Variants in SPG7 observed in about 807,000 individuals in gnomAD.
The protein encoded by SPG7 is SPG7 matrix AAA peptidase subunit, paraplegin.
SPG7 carries 103 observed loss-of-function variants against 81.9 expected under a neutral mutation model. The observed-to-expected ratio is 1.26, with a 90% CI of 1.07 to 1.48. The LOEUF (loss-of-function observed/expected upper bound fraction) is 1.48. Ranked by LOEUF, SPG7 falls within the 40% of genes most tolerant of loss-of-function variation. SPG7 has a pLI of 0.00. For missense variants in SPG7, 1,241 were observed against 1,087.3 expected (o/e 1.14, Z -1.99); for synonymous variants, 534 against 444.2 (o/e 1.20, Z -2.54).
chr16:89,542,720 G>T (rs1306812821), intron 9 of SPG7, among the ~76,000 whole-genome samples: 1 of 152,044 alleles, frequency 6.6e-6, no homozygotes, highest in African/African-American at 2.4e-5. Flanking sequence ...TCCTCAGAGC[G>T]TTCAAGGTCC....
intron 3 of SPG7, among the ~76,000 whole-genome samples, chr16:89,513,388 C>T (rs4505322): frequency 0.43 from 65,684 of 151,770 alleles, 14,721 homozygotes; most frequent in East Asian, 0.67. Context: ...TGATGGCACA[C>T]GCCTGTAATC....
chr16:89,524,030 A>G lies in SPG7; in HGVS notation c.401A>G (p.Asp134Gly). Residue 134 changes from aspartate (D) to glycine (G), a missense_variant, in exon 4 of 17, where the codon GAC (aspartate) becomes GGC (glycine). Physicochemically the swap from Asp to Gly is moderately conservative, Grantham distance 94 (BLOSUM62 -1). Coordinates refer to ENST00000645818, the MANE Select transcript of SPG7 (RefSeq NM_003119.4). ...DEEERRRRER[D>G]DQMYRERLRT... ...GAGGAGAGGAGACGCCGTGAGCGGG[A>G]CGACCAGATGTACCGAGAGCGGCTG... The G allele has an allele frequency of 1.2e-6, 2 of 1,612,858 alleles. No homozygotes were observed. Among genetic ancestry groups the G allele is most frequent in the Non-Finnish European group, 1.7e-6 (2 of 1,179,958 alleles).
At chr16:89,516,903 C>T (rs1231964503) in intron 3 of SPG7, 1 of 151,694 alleles carries the variant, frequency 6.6e-6, no homozygotes, top group Admixed American at 6.6e-5. Context: ...GACGGCGAGA[C>T]TCTTGTCTCA....
At position 89,557,642 on chromosome 16, in the gene SPG7, A is replaced by C. The variant is rs114970695; in HGVS notation, c.*549A>C. The stretch of plus-strand genomic sequence containing the variant: ...ACCACTGCCCCCTGCTGCCATGTGG[A>C]CTGGTGCAAGTTGAGGACTTCTTGC... On this transcript the variant is annotated 3_prime_UTR_variant, in exon 17 of 17. Transcript: ENST00000645818. 6.2e-3 allele frequency: 1,049 copies of C among 168,530 alleles called. 12 individuals are homozygous for C. The highest frequency in any genetic ancestry group is 0.024 in the African/African-American group (1,007 of 41,824). 10.4% of individuals were successfully genotyped at this position (168,530 alleles called of 1,614,324 possible).
In SPG7 at chr16:89,510,337, C is replaced by G. The variant is rs572899926; in HGVS notation, c.184-153C>G. On this transcript the variant is annotated intron_variant, in intron 1 of 16. Transcript: ENST00000645818. ...TTTTGATGTTACCTAAAGCTTTGAC[C>G]TATTGCTCAGACTATTACTTTATAT... is the stretch of plus-strand genomic sequence containing the variant. Among the ~76,000 whole-genome samples the G allele has an allele frequency of 5.9e-5, 9 of 152,254 alleles. No homozygotes were observed. The East Asian group carries it at 1.7e-3, about 29-fold the overall frequency.
chr16:89,545,032 GT>G, intron 10 of SPG7: 1 of 536,918 alleles, frequency 1.9e-6, no homozygotes, highest in Non-Finnish European at 3.4e-6. Flanking sequence ...ACTGCTCGGG[GT>G]TTTGCAGTTC....
In SPG7 at chr16:89,553,089, G is replaced by A. The variant is rs767213993; in HGVS notation, c.1890G>A (p.Leu630=). The change falls in exon 14 of 17, where the codon CTG becomes CTA. Residue 630 remains leucine, a synonymous_variant. Transcript: ENST00000645818. The part of the protein sequence containing the change: ...EQLFERMCMA[L]GGRASEALSF... ...TGTTTGAGCGGATGTGCATGGCCCT[G>A]GGAGGACGGGCCTCGGAAGCACTGT... is the stretch of plus-strand genomic sequence containing the variant. 6.2e-7 allele frequency: 1 copy of A among 1,613,414 alleles called. No individual in the cohort carries two copies. Among genetic ancestry groups the A allele is most frequent in the South Asian group, 1.1e-5 (1 of 90,920 alleles).
chr16:89,550,656 G>C lies in SPG7; in HGVS notation c.1779+47G>C, dbSNP rs3794632. On this transcript the variant is annotated intron_variant, in intron 13 of 16. Transcript: ENST00000645818. ...CTCCACGGGCCTTGGCCAAAGGTGG[G>C]TGGGGAGTCCCGCCTGTGTCTGTAG... is the stretch of plus-strand genomic sequence containing the variant. 219,730 of 1,289,210 alleles carry C rather than the reference G, an allele frequency of 0.17. 23,736 individuals are homozygous for C. Among genetic ancestry groups the C allele is most frequent in the African/African-American group, 0.24 (16,082 of 67,834 alleles). 79.9% of individuals were successfully genotyped at this position (1,289,210 alleles called of 1,614,324 possible).
intron 7 of SPG7, 84 bp from the exon 8 acceptor site, chr16:89,531,820 C>T (rs2058346237): frequency 1.0e-5 from 15 of 1,429,032 alleles, no homozygotes; most frequent in Admixed American, 1.7e-5. Context: ...CTCCAGCCTG[C>T]GTGACCCAGA....
intron 12 of SPG7, chr16:89,548,898 T>G (rs2058600078): frequency 2.2e-6 from 1 of 451,870 alleles, no homozygotes; most frequent in Admixed American, 2.4e-5. Context: ...AGCACGAGCC[T>G]CCTTTGCGAG....
intron 3 of SPG7, chr16:89,523,469 G>A (rs560526571): frequency 2.3e-5 from 8 of 344,270 alleles, no homozygotes; most frequent in South Asian, 1.5e-4. Flanking sequence ...TTTTGTGTAT[G>A]TTTTGATATT....
At chr16:89,553,743 G>A in intron 14 of SPG7, 51 bp from the exon 15 acceptor site, 1 of 1,595,942 alleles carries the variant, frequency 6.3e-7, no homozygotes, top group East Asian at 2.2e-5. Context: ...GCCCAGCACT[G>A]CTCTGCGCCT....
chr16:89,521,243 T>C (rs2058183766), intron 3 of SPG7: 2 of 152,214 alleles, frequency 1.3e-5, no homozygotes, highest in Non-Finnish European at 2.9e-5. Context: ...GGTGTCATGA[T>C]GGGGCTAGGC....
At chr16:89,511,718 C>T (rs565785578) in intron 2 of SPG7, among the ~76,000 whole-genome samples, 45 of 152,292 alleles carry the variant, frequency 3.0e-4, no homozygotes, top group African/African-American at 1.1e-3. Flanking sequence ...TTGTGAAACT[C>T]TTTCCCTATT....
chr16:89,538,447 C>CA (rs1301164121), intron 9 of SPG7: 1 of 152,290 alleles, frequency 6.6e-6, no homozygotes, highest in East Asian at 1.9e-4. Context: ...CTGGGCTCCG[C>CA]AGGCAGGGAG....
At chr16:89,513,148 T>C (rs913473851) in intron 3 of SPG7, 111 bp downstream of exon 3, 1 of 1,471,074 alleles carries the variant, frequency 6.8e-7, no homozygotes, top group Non-Finnish European at 9.2e-7. Flanking sequence ...ATGGGCCGGG[T>C]GCAGTGGCTC....
At chr16:89,513,321 A>C (rs1394182192) in intron 3 of SPG7, among the ~76,000 whole-genome samples, 1 of 151,900 alleles carries the variant, frequency 6.6e-6, no homozygotes, top group Non-Finnish European at 1.5e-5. Context: ...GATCACCTGC[A>C]CCCTGGCCAA....
chr16:89,515,059 C>T (rs1466131799), intron 3 of SPG7, among the ~76,000 whole-genome samples: 3 of 151,280 alleles, frequency 2.0e-5, no homozygotes, highest in African/African-American at 7.3e-5. Context: ...GCCTTAGCCT[C>T]CCGAGTAGCT....
At position 89,545,636 on chromosome 16, in the gene SPG7, A is replaced by ACAC. The variant is rs2058554366; in HGVS notation, c.1449+864_1449+865insCAC. 3 of 241,948 alleles carry ACAC rather than the reference A, an allele frequency of 1.2e-5. No individual in the cohort carries two copies. The East Asian group carries it at 5.0e-4, about 40-fold the overall frequency. The allele number at this position is 241,948 out of a possible 1,614,324, so 15.0% of individuals were successfully genotyped here. ...CCAGGGGACACTGTTTCTCCAGGGGATGGCAGCTTCTCCAGGGGACACGGC... is the reference window on the plus strand; with the variant it reads ...CCAGGGGACACTGTTTCTCCAGGGGACACTGGCAGCTTCTCCAGGGGACACGGC... On this transcript the variant is annotated intron_variant, in intron 10 of 16. Transcript: ENST00000645818.
Sources: allele counts gnomAD v4.1 joint callset (sites outside exome capture counted in the v4.1 genomes callset), GRCh38; gene constraint gnomAD v4.1.1; transcripts MANE v1.5; gene names NCBI Gene and HGNC (gene_info 2026-07-23, HGNC 2026-07-21).